The following TMPRSS4 variants were observed in gnomAD, a reference collection of about 807,000 sequenced individuals.
TMPRSS4 encodes transmembrane serine protease 4.
Under a neutral mutation model 56.4 loss-of-function variants are expected in TMPRSS4, and 45 were observed. That is an observed-to-expected ratio of 0.80 (90% CI 0.63 to 1.02). The LOEUF is 1.02. Among genes scored for constraint, TMPRSS4 ranks in the 50% least tolerant of loss-of-function variants. TMPRSS4 has a pLI of 0.00. For synonymous variants in TMPRSS4, 205 were observed against 211.0 expected (o/e 0.97, Z 0.25); for missense variants, 546 against 556.7 (o/e 0.98, Z 0.19).
In TMPRSS4 at chr11:118,108,876, T is replaced by C; in HGVS notation, c.563T>C (p.Leu188Pro). The C allele has an allele frequency of 6.2e-7, 1 of 1,614,104 alleles. No homozygotes were observed. Residue 188 changes from leucine (L) to proline (P), a missense_variant, in exon 7 of 13, where the codon CTG becomes CCG. Leu to Pro is a moderately conservative substitution (Grantham distance 98, BLOSUM62 -3). Transcript: ENST00000437212. ...NSSGPCLSGS[L>P]VSLHCLACGK... ...TCCAGGCCCTGTCTCTCAGGCTCCC[T>C]GGTCTCCCTGCACTGTCTTGGTGAG...
chr11:118,100,469 G>A (rs3782038), intron 3 of TMPRSS4, among the ~76,000 whole-genome samples: 4 of 152,198 alleles, frequency 2.6e-5, no homozygotes, highest in East Asian at 3.9e-4. Flanking sequence ...CGGAGAGGAG[G>A]AGTGGCAGTC....
Position 118,118,337 on chromosome 11 carries a change from G to A in TMPRSS4, c.*424G>A. 1 of 1,044,058 alleles carries A rather than the reference G, an allele frequency of 9.6e-7. No homozygotes were observed. Among genetic ancestry groups the A allele is most frequent in the Non-Finnish European group, 1.2e-6 (1 of 868,436 alleles). 64.7% of individuals were successfully genotyped at this position (1,044,058 alleles called of 1,614,324 possible). On this transcript the variant is annotated 3_prime_UTR_variant, in exon 13 of 13. Transcript: ENST00000437212. The stretch of plus-strand genomic sequence containing the variant: ...CCCATCCCCAAGCCTACTAGAGCAA[G>A]AAACCAGTTGTAATATAAAATGCAC...
At chr11:118,095,816 G>A (rs1455047090) in intron 2 of TMPRSS4, among the ~76,000 whole-genome samples, 3 of 152,200 alleles carry the variant, frequency 2.0e-5, no homozygotes, top group Non-Finnish European at 4.4e-5. Context: ...AGGCCCTCGA[G>A]TAAGAAGTGA....
intron 5 of TMPRSS4, 190 bp from the exon 6 acceptor site, chr11:118,107,584 C>G (rs929077577): frequency 2.0e-6 from 1 of 497,254 alleles, no homozygotes; most frequent in Non-Finnish European, 3.6e-6. Context: ...CCTGGGATGC[C>G]AAGGGTCGGT....
At chr11:118,081,443 C>A (rs1945124437) in intron 1 of TMPRSS4, among the ~76,000 whole-genome samples, 1 of 152,216 alleles carries the variant, frequency 6.6e-6, no homozygotes, top group African/African-American at 2.4e-5. Flanking sequence ...AATGTGTAAA[C>A]AAGATGGAAA....
At chr11:118,081,610 C>T (rs1338687233) in intron 1 of TMPRSS4, among the ~76,000 whole-genome samples, 1 of 152,236 alleles carries the variant, frequency 6.6e-6, no homozygotes, top group Non-Finnish European at 1.5e-5. Flanking sequence ...GCGTGCGCAC[C>T]TGTCCAGGGG....
chr11:118,094,630 T>C lies in TMPRSS4; in HGVS notation c.4-186T>C, dbSNP rs78968384. On this transcript the variant is annotated intron_variant, in intron 1 of 12. Transcript: ENST00000437212. ...TTAAGTAAACTAATAAGTAAACTAATTGAAACAGATCAAACAGGTGCATGA... is the reference window on the plus strand; with the variant it reads ...TTAAGTAAACTAATAAGTAAACTAACTGAAACAGATCAAACAGGTGCATGA... 3.4e-3 allele frequency among the ~76,000 whole-genome samples: 517 copies of C among 152,320 alleles called. 2 individuals carry two copies. The highest frequency in any genetic ancestry group is 0.012 in the African/African-American group (488 of 41,560).
At chr11:118,084,702 A>G (rs1945408977) in intron 1 of TMPRSS4, among the ~76,000 whole-genome samples, 3 of 152,132 alleles carry the variant, frequency 2.0e-5, no homozygotes, top group Non-Finnish European at 4.4e-5. Context: ...TCACTTACTA[A>G]ACTCCTCTAT....
intron 7 of TMPRSS4, among the ~76,000 whole-genome samples, chr11:118,111,003 C>T (rs1322716570): frequency 6.6e-6 from 1 of 152,204 alleles, no homozygotes; most frequent in Non-Finnish European, 1.5e-5. Context: ...CAAGGGAGAT[C>T]CCGAAGGGCT....
intron 12 of TMPRSS4, 185 bp from the exon 13 acceptor site, chr11:118,117,717 A>C: frequency 1.0e-6 from 1 of 985,454 alleles, no homozygotes; most frequent in Non-Finnish European, 1.2e-6. Flanking sequence ...AGACTATCAG[A>C]TCCTTTCTAG....
rs967856719 is a variant in TMPRSS4 at position 118,118,252 on chromosome 11, C to G, written c.*339C>G. The stretch of plus-strand genomic sequence containing the variant: ...GGAAGCAGGCTGTCTTGTAAAAGCC[C>G]AGATCACTGTGGGCTGGAGAGGAGA... On this transcript the variant is annotated 3_prime_UTR_variant, in exon 13 of 13. Coordinates refer to ENST00000437212, the MANE Select transcript of TMPRSS4 (RefSeq NM_019894.4). 9 of 1,233,466 alleles carry G rather than the reference C, an allele frequency of 7.3e-6. No homozygotes were observed. Among genetic ancestry groups the G allele is most frequent in the Non-Finnish European group, 9.1e-6 (9 of 983,702 alleles). The allele number at this position is 1,233,466 out of a possible 1,614,324, so 76.4% of individuals were successfully genotyped here.
intron 6 of TMPRSS4, 183 bp from the exon 7 acceptor site, chr11:118,108,672 CG>C: frequency 3.2e-6 from 2 of 617,800 alleles, no homozygotes; most frequent in Middle Eastern, 8.6e-4. Flanking sequence ...TCCAATCAAA[CG>C]GAAGTGTCAA....
chr11:118,078,348 G>A (rs1472421396), intron 1 of TMPRSS4, among the ~76,000 whole-genome samples: 1 of 152,172 alleles, frequency 6.6e-6, no homozygotes, highest in Non-Finnish European at 1.5e-5. Flanking sequence ...GGGAAGAGAG[G>A]AAAGGAGAAG....
At chr11:118,080,135 A>G (rs1388086238) in intron 1 of TMPRSS4, among the ~76,000 whole-genome samples, 1 of 152,208 alleles carries the variant, frequency 6.6e-6, no homozygotes, top group Non-Finnish European at 1.5e-5. Context: ...CTCAACACAG[A>G]GTGTGACAAG....
chr11:118,090,688 G>A (rs1249584284), intron 1 of TMPRSS4, among the ~76,000 whole-genome samples: 1 of 151,864 alleles, frequency 6.6e-6, no homozygotes, highest in East Asian at 1.9e-4. Context: ...TGAGGTGGGA[G>A]GAGCCCTTGA....
At chr11:118,095,169 G>A (rs1946218198) in intron 2 of TMPRSS4, 4 of 350,208 alleles carry the variant, frequency 1.1e-5, no homozygotes, top group Non-Finnish European at 2.2e-5. Context: ...CCAGGCCCTA[G>A]GCTGGATGCT....
chr11:118,099,501 G>GAAAGA (rs1285149332), intron 3 of TMPRSS4, among the ~76,000 whole-genome samples: 4 of 151,650 alleles, frequency 2.6e-5, no homozygotes, highest in Non-Finnish European at 5.9e-5. Context: ...AAGAAAGAAA[G>GAAAGA]ACATGTATCC....
intron 1 of TMPRSS4, among the ~76,000 whole-genome samples, chr11:118,090,037 G>A (rs1412676985): frequency 6.6e-6 from 1 of 152,056 alleles, no homozygotes; most frequent in Non-Finnish European, 1.5e-5. Context: ...TAGAGACAGG[G>A]TTTCACCATG....
chr11:118,111,512 TA>T lies in TMPRSS4; in HGVS notation c.584-219del, dbSNP rs140320094. Among the ~76,000 whole-genome samples the T allele has an allele frequency of 9.0e-5, 13 of 143,728 alleles. No homozygotes were observed. In the South Asian group the frequency reaches 1.3e-3, roughly 14 times the overall value. 94.3% of individuals were successfully genotyped at this position (143,728 alleles called of 152,430 possible). ...CTCCTAAACACATCTTAAACCAAAA[TA>T]AAAAAAAAAGAAAGAAAGAAAGAAA... On this transcript the variant is annotated intron_variant, in intron 7 of 12. Transcript: ENST00000437212.
Sources: allele counts gnomAD v4.1 joint callset (sites outside exome capture counted in the v4.1 genomes callset), GRCh38; gene constraint gnomAD v4.1.1; transcripts MANE v1.5; gene names NCBI Gene and HGNC (gene_info 2026-07-23, HGNC 2026-07-21).